ITIH5: variants seen among roughly 807,000 people sequenced by gnomAD.
The protein encoded by ITIH5 is inter-alpha-trypsin inhibitor heavy chain H5.
Under a neutral mutation model 77.5 loss-of-function variants are expected in ITIH5, and 65 were observed. That is an observed-to-expected ratio of 0.84 (90% CI 0.69 to 1.03). ITIH5 has a LOEUF of 1.03. Among genes scored for constraint, ITIH5 ranks in the 50% least tolerant of loss-of-function variants. ITIH5 has a pLI of 0.00. For missense variants in ITIH5, 1,208 were observed against 1,213.1 expected (o/e 1.00, Z 0.06); for synonymous variants, 525 against 494.3 (o/e 1.06, Z -0.82).
rs745690762 is a variant in ITIH5, at chr10:7,566,217, C to A, written c.2340G>T (p.Val780=). ...ACACCTCCAGCCCCCAGCTCCCCAC[C>A]ACCACACTCTGGTTGCAGGGGAGCA... ...RLVLPCNQSV[V]VGSWGLEVSV... Residue 780 remains valine (V), a synonymous_variant, in exon 13 of 14, where the codon GTG becomes GTT. Coordinates refer to ENST00000397146, the MANE Select transcript of ITIH5 (RefSeq NM_030569.7). 1.2e-6 allele frequency: 2 copies of A among 1,613,926 alleles called. No individual in the cohort carries two copies. Among genetic ancestry groups the A allele is most frequent in the South Asian group, 1.1e-5 (1 of 91,050 alleles).
At chr10:7,581,721 C>CTTTTTTTTTTT (rs142992412) in intron 8 of ITIH5, among the ~76,000 whole-genome samples, 1 of 101,724 alleles carries the variant, frequency 9.8e-6, no homozygotes, top group Non-Finnish European at 1.9e-5. Context: ...TCTTTTCCTT[C>CTTTTTTTTTTT]TTTTTTTTTT....
intron 12 of ITIH5, among the ~76,000 whole-genome samples, chr10:7,569,010 C>CTTTTTTT (rs5782983): frequency 2.2e-3 from 157 of 71,588 alleles, no homozygotes; most frequent in African/African-American, 2.7e-3. Flanking sequence ...TTTTCTTTTT[C>CTTTTTTT]TTTTTTTTTT....
chr10:7,597,009 G>GCA (rs1216483029), intron 7 of ITIH5, among the ~76,000 whole-genome samples: 3 of 124,078 alleles, frequency 2.4e-5, no homozygotes, highest in Non-Finnish European at 4.8e-5. Flanking sequence ...CCATGCCACT[G>GCA]CACTCCAGCC....
intron 1 of ITIH5, among the ~76,000 whole-genome samples, chr10:7,657,189 C>T (rs768248377): frequency 1.3e-5 from 2 of 151,452 alleles, no homozygotes; most frequent in Non-Finnish European, 2.9e-5. Context: ...GGACTACAGG[C>T]ATGCACCACC....
intron 1 of ITIH5, among the ~76,000 whole-genome samples, chr10:7,657,258 A>C (rs1834203641): frequency 6.6e-6 from 1 of 151,624 alleles, no homozygotes; most frequent in South Asian, 2.1e-4. Flanking sequence ...CATGTTGGCC[A>C]GCATGGTCTG....
chr10:7,642,383 G>A (rs548728886), intron 2 of ITIH5, among the ~76,000 whole-genome samples: 11 of 152,198 alleles, frequency 7.2e-5, no homozygotes, highest in East Asian at 1.9e-4. Flanking sequence ...GAAAATACAC[G>A]TTCCTTAAAC....
chr10:7,609,896 G>A (rs1404160599), intron 7 of ITIH5, among the ~76,000 whole-genome samples: 1 of 151,878 alleles, frequency 6.6e-6, no homozygotes, highest in African/African-American at 2.4e-5. Flanking sequence ...ATCAGGGAAA[G>A]GAAAGACAAG....
rs547833718 is a variant in ITIH5 at position 7,613,040 on chromosome 10, T to A, written c.939+2942A>T. Among the ~76,000 whole-genome samples the A allele has an allele frequency of 3.9e-4, 60 of 152,072 alleles. 2 individuals carry two copies. In the South Asian group the frequency reaches 0.011, roughly 29 times the overall value. On this transcript the variant is annotated intron_variant, in intron 7 of 13. Coordinates refer to ENST00000397146, the MANE Select transcript of ITIH5 (RefSeq NM_030569.7). ...TGGGCAGATTACCTGAGGTTAGGAG[T>A]TCGAGACCAGCCTGGCCAACATGGT... is the stretch of plus-strand genomic sequence containing the variant.
intron 7 of ITIH5, among the ~76,000 whole-genome samples, chr10:7,613,245 C>CAAAAAAAAAAAAAAAAAAAAAAAAAA (rs58021308): frequency 7.0e-6 from 1 of 143,552 alleles, no homozygotes; most frequent in African/African-American, 2.8e-5. Context: ...GACTTCGTCT[C>CAAAAAAAAAAAAAAAAAAAAAAAAAA]AAAAAAAAAA....
chr10:7,597,063 A>AAAAAAAAAAAAAAAAAAT (rs750714870), intron 7 of ITIH5, among the ~76,000 whole-genome samples: 199 of 142,718 alleles, frequency 1.4e-3, no homozygotes, highest in Non-Finnish European at 2.3e-3. Context: ...AAAAAAAAAA[A>AAAAAAAAAAAAAAAAAAT]ATTCCACCAA....
intron 8 of ITIH5, among the ~76,000 whole-genome samples, chr10:7,583,226 G>A (rs1195297904): frequency 6.6e-6 from 1 of 152,198 alleles, no homozygotes; most frequent in Admixed American, 6.5e-5. Flanking sequence ...TAAAAAAGTA[G>A]ATAAGGCTAT....
chr10:7,594,279 G>A (rs1488462321), intron 7 of ITIH5, among the ~76,000 whole-genome samples: 1 of 152,128 alleles, frequency 6.6e-6, no homozygotes, highest in Non-Finnish European at 1.5e-5. Context: ...TTCCAGTGCA[G>A]GTGATGGACA....
At chr10:7,647,477 C>T (rs1423781833) in intron 2 of ITIH5, among the ~76,000 whole-genome samples, 1 of 152,192 alleles carries the variant, frequency 6.6e-6, no homozygotes, top group Non-Finnish European at 1.5e-5. Flanking sequence ...AAGAATCACC[C>T]AGCTGAGCTC....
chr10:7,626,731 T>C (rs1045167573), intron 5 of ITIH5, among the ~76,000 whole-genome samples: 1 of 152,234 alleles, frequency 6.6e-6, no homozygotes, highest in African/African-American at 2.4e-5. Context: ...TCCTAAATAT[T>C]GCACAGGACA....
At chr10:7,567,441 A>G (rs1033423013) in intron 12 of ITIH5, among the ~76,000 whole-genome samples, 2 of 151,022 alleles carry the variant, frequency 1.3e-5, no homozygotes, top group African/African-American at 2.4e-5. Flanking sequence ...TGCACCCATT[A>G]ACTCGTCATT....
chr10:7,663,199 T>C (rs1834307041), intron 1 of ITIH5, among the ~76,000 whole-genome samples: 1 of 152,226 alleles, frequency 6.6e-6, no homozygotes, highest in African/African-American at 2.4e-5. Flanking sequence ...GCTTTGCACA[T>C]AGTAGGTTGT....
At chr10:7,617,939 G>A (rs1833401547) in intron 5 of ITIH5, 1 of 151,634 alleles carries the variant, frequency 6.6e-6, no homozygotes, top group South Asian at 2.1e-4. Context: ...GCATATATGT[G>A]ATAAATCGCT....
intron 1 of ITIH5, among the ~76,000 whole-genome samples, chr10:7,664,534 G>A (rs939204401): frequency 2.6e-5 from 4 of 152,152 alleles, no homozygotes; most frequent in Non-Finnish European, 5.9e-5. Context: ...AACACCCCAA[G>A]TGACTTTTTC....
chr10:7,653,801 G>A (rs1181979661), intron 2 of ITIH5, among the ~76,000 whole-genome samples: 3 of 152,142 alleles, frequency 2.0e-5, no homozygotes, highest in Admixed American at 2.0e-4. Flanking sequence ...GTCGTCTTGG[G>A]AAAATTACTC....
Sources: allele counts gnomAD v4.1 joint callset (sites outside exome capture counted in the v4.1 genomes callset), GRCh38; gene constraint gnomAD v4.1.1; transcripts MANE v1.5; gene names NCBI Gene and HGNC (gene_info 2026-07-23, HGNC 2026-07-21).